Variants in THSD4 observed in about 807,000 individuals in gnomAD.
THSD4 encodes thrombospondin type 1 domain containing 4.
A neutral mutation model predicts 119.0 loss-of-function variants in THSD4; 69 were observed. The observed-to-expected ratio is 0.58, with a 90% confidence interval of 0.48 to 0.71. The LOEUF is 0.71. Among genes scored for constraint, THSD4 ranks in the 30% least tolerant of loss-of-function variants. The pLI is 0.00. For synonymous variants in THSD4, 524 were observed against 540.4 expected (o/e 0.97, Z 0.42); for missense variants, 1,393 against 1,391.1 (o/e 1.00, Z -0.02).
chr15:71,765,293 C>T, intron 16 of THSD4, 94 bp downstream of exon 16: 3 of 1,413,444 alleles, frequency 2.1e-6, no homozygotes, highest in Non-Finnish European at 2.8e-6. Context: ...TGGGTTCAGC[C>T]CTGAAAGAGA....
intron 1 of THSD4, among the ~76,000 whole-genome samples, chr15:71,116,811 G>A (rs371513561): frequency 7.2e-5 from 11 of 152,148 alleles, no homozygotes; most frequent in African/African-American, 2.7e-4. Flanking sequence ...TCTTCTACTT[G>A]ATTAATATTG....
chr15:71,765,130 A>G lies in THSD4; in HGVS notation c.2700A>G (p.Lys900=). ...LDPSECSFLE[K]PPSQQSCHLK... is the part of the protein sequence containing the mutation. The stretch of plus-strand genomic sequence containing the variant: ...CCTCTGAATGTTCTTTCCTGGAGAA[A>G]CCCCCCAGCCAGCAATCCTGCCACC... The change falls in exon 16 of 18, where the codon AAA becomes AAG. Residue 900 remains lysine (K), a synonymous_variant. Coordinates refer to ENST00000261862, the MANE Select transcript of THSD4 (RefSeq NM_024817.3). 6.2e-7 allele frequency: 1 copy of G among 1,613,410 alleles called. No homozygotes were observed. The highest frequency in any genetic ancestry group is 8.5e-7 in the Non-Finnish European group (1 of 1,179,930).
intron 5 of THSD4, among the ~76,000 whole-genome samples, chr15:71,246,088 G>A (rs2044197760): frequency 2.6e-5 from 4 of 152,158 alleles, no homozygotes; most frequent in African/African-American, 2.4e-5. Context: ...CAGATGCCGA[G>A]CTTTGACACG....
intron 3 of THSD4, among the ~76,000 whole-genome samples, chr15:71,162,689 A>G (rs2043258404): frequency 6.6e-6 from 1 of 152,032 alleles, no homozygotes; most frequent in South Asian, 2.1e-4. Context: ...GACTTAGAAA[A>G]TATTGTTGTT....
chr15:71,324,801 C>G (rs535616064), intron 6 of THSD4, among the ~76,000 whole-genome samples: 9 of 152,276 alleles, frequency 5.9e-5, no homozygotes, highest in African/African-American at 2.2e-4. Flanking sequence ...GATATAATGA[C>G]TTCTTTTCCT....
chr15:71,647,295 G>A (rs184133051), intron 7 of THSD4, among the ~76,000 whole-genome samples: 23 of 152,298 alleles, frequency 1.5e-4, no homozygotes, highest in African/African-American at 4.3e-4. Context: ...GCAAGAGAAC[G>A]GAAATTCTCT....
chr15:71,112,225 A>G, upstream of THSD4: 1 of 1,612,088 alleles, frequency 6.2e-7, no homozygotes, highest in Non-Finnish European at 8.5e-7. Flanking sequence ...CTGTAGGCAG[A>G]GGGCTGATCA....
intron 8 of THSD4, among the ~76,000 whole-genome samples, chr15:71,686,986 A>G (rs777811187): frequency 3.3e-5 from 5 of 152,322 alleles, no homozygotes; most frequent in Middle Eastern, 3.4e-3. Context: ...CTAGTTGACC[A>G]TCTTAAAGGA....
chr15:71,431,315 A>T (rs1181301801), intron 7 of THSD4, among the ~76,000 whole-genome samples: 1 of 152,142 alleles, frequency 6.6e-6, no homozygotes, highest in Non-Finnish European at 1.5e-5. Context: ...AATTATTAAA[A>T]TTTTTATACA....
rs2043560469 is a variant in THSD4 at position 71,183,625 on chromosome 15, C to T, written c.99+28693C>T. On this transcript the variant is annotated intron_variant, in intron 3 of 17. Coordinates refer to ENST00000261862, the MANE Select transcript of THSD4 (RefSeq NM_024817.3). ...TTACTGTTGTTGCTGCAACACATGC[C>T]AGGCCATGGAATTTACCTTGCTGGC... Among the ~76,000 whole-genome samples, 2 of 151,658 alleles carry T rather than the reference C, an allele frequency of 1.3e-5. 1 individual carries two copies. The highest frequency in any genetic ancestry group is 4.8e-5 in the African/African-American group (2 of 41,392).
At chr15:71,248,652 T>C (rs2044228405) in intron 5 of THSD4, among the ~76,000 whole-genome samples, 1 of 152,098 alleles carries the variant, frequency 6.6e-6, no homozygotes, top group South Asian at 2.1e-4. Context: ...TTCCCTGGGG[T>C]AGGACTGGCT....
chr15:71,463,374 C>G lies in THSD4; in HGVS notation c.1152+51551C>G, dbSNP rs184739660. Among the ~76,000 whole-genome samples, 10 of 152,306 alleles carry G rather than the reference C, an allele frequency of 6.6e-5. 1 individual carries two copies. In the East Asian group the frequency reaches 1.9e-3, roughly 29 times the overall value. ...GCAGACCCAGGTCACCTCCCTGCCCCCTTCCAGCAGCTATCTTTGAGAACA... is the reference window on the plus strand; with the variant it reads ...GCAGACCCAGGTCACCTCCCTGCCCGCTTCCAGCAGCTATCTTTGAGAACA... On this transcript the variant is annotated intron_variant, in intron 7 of 17. Coordinates refer to ENST00000261862, the MANE Select transcript of THSD4 (RefSeq NM_024817.3).
chr15:71,360,138 G>C (rs988200499), intron 6 of THSD4, among the ~76,000 whole-genome samples: 1 of 152,106 alleles, frequency 6.6e-6, no homozygotes, highest in Non-Finnish European at 1.5e-5. Context: ...CTGGCACGTG[G>C]GGAAGAGCTG....
intron 5 of THSD4, among the ~76,000 whole-genome samples, chr15:71,251,826 C>A (rs1053038026): frequency 6.6e-6 from 1 of 152,084 alleles, no homozygotes; most frequent in Admixed American, 6.5e-5. Context: ...TTCAGATTAA[C>A]CAGGGTCACT....
At chr15:71,203,040 G>A (rs1179667009) in intron 3 of THSD4, among the ~76,000 whole-genome samples, 1 of 152,180 alleles carries the variant, frequency 6.6e-6, no homozygotes, top group Admixed American at 6.5e-5. Flanking sequence ...ATGGAGAAGG[G>A]TGTGTAATGG....
At position 71,455,680 on chromosome 15, in the gene THSD4, G is replaced by A. The variant is rs115028794; in HGVS notation, c.1152+43857G>A. On this transcript the variant is annotated intron_variant, in intron 7 of 17. Transcript: ENST00000261862. Reference sequence around the variant, plus strand: ...GAAAGTGAATTTGTGGATGTAATCCGTTCCAGATGAACCCCAATTTGGCTG... The same window carrying A: ...GAAAGTGAATTTGTGGATGTAATCCATTCCAGATGAACCCCAATTTGGCTG... Among the ~76,000 whole-genome samples the A allele has an allele frequency of 2.7e-3, 404 of 152,268 alleles. 3 individuals are homozygous for A. Among genetic ancestry groups the A allele is most frequent in the African/African-American group, 9.1e-3 (379 of 41,548 alleles).
chr15:71,467,555 T>C (rs2047517472), intron 7 of THSD4, among the ~76,000 whole-genome samples: 1 of 152,182 alleles, frequency 6.6e-6, no homozygotes, highest in East Asian at 1.9e-4. Context: ...GAGATAAGGA[T>C]GCTTCTCTTC....
In THSD4 at chr15:71,457,117, A is replaced by G. The variant is rs572063585; in HGVS notation, c.1152+45294A>G. ...CAAGATGTGCGAGGCGCAGTGGCTC[A>G]CACCTGCAATCCCAGCAATTTGGGA... On this transcript the variant is annotated intron_variant, in intron 7 of 17. Coordinates refer to ENST00000261862, the MANE Select transcript of THSD4 (RefSeq NM_024817.3). Among the ~76,000 whole-genome samples the G allele has an allele frequency of 9.2e-5, 14 of 152,280 alleles. No individual in the cohort carries two copies. The South Asian group carries it at 2.9e-3, about 32-fold the overall frequency.
chr15:71,472,344 G>A (rs948543065), intron 7 of THSD4, among the ~76,000 whole-genome samples: 1 of 152,094 alleles, frequency 6.6e-6, no homozygotes, highest in African/African-American at 2.4e-5. Context: ...GTATGTATTA[G>A]GCCTTCAATA....
Sources: allele counts gnomAD v4.1 joint callset (sites outside exome capture counted in the v4.1 genomes callset), GRCh38; gene constraint gnomAD v4.1.1; transcripts MANE v1.5; gene names NCBI Gene and HGNC (gene_info 2026-07-23, HGNC 2026-07-21).